Variants in PAPPA2 observed in about 807,000 individuals in gnomAD.
PAPPA2 encodes the protein pappalysin 2.
In PAPPA2, 86 loss-of-function variants were observed where a neutral mutation model predicts 176.4. The ratio of observed to expected loss-of-function variants is 0.49; its 90% CI spans 0.41 to 0.58. PAPPA2 has a LOEUF of 0.58. Among genes scored for constraint, PAPPA2 ranks in the 20% least tolerant of loss-of-function variants. PAPPA2 has a pLI of 0.00. For synonymous variants in PAPPA2, 809 were observed against 852.2 expected (o/e 0.95, Z 0.88); for missense variants, 2,073 against 2,256.9 (o/e 0.92, Z 1.65).
At chr1:176,837,752 ACTGACAT>A (rs1281356456) in intron 21 of PAPPA2, among the ~76,000 whole-genome samples, 1 of 152,180 alleles carries the variant, frequency 6.6e-6, no homozygotes, top group East Asian at 1.9e-4. Context: ...ATATCCTAAG[ACTGACAT>A]CTTTCAGTTA....
At chr1:176,677,921 T>C (rs1030356963) in intron 4 of PAPPA2, among the ~76,000 whole-genome samples, 2 of 152,210 alleles carry the variant, frequency 1.3e-5, no homozygotes, top group South Asian at 2.1e-4. Context: ...GACAGATATG[T>C]CATACAGATT....
intron 17 of PAPPA2, among the ~76,000 whole-genome samples, chr1:176,785,409 A>C (rs1664892695): frequency 6.6e-6 from 1 of 152,118 alleles, no homozygotes; most frequent in Non-Finnish European, 1.5e-5. Flanking sequence ...TGATGTAGAG[A>C]GATGCAGAAG....
chr1:176,490,684 GTT>G (rs1338539221), intron 1 of PAPPA2, among the ~76,000 whole-genome samples: 1 of 152,158 alleles, frequency 6.6e-6, no homozygotes, highest in East Asian at 1.9e-4. Flanking sequence ...AATGACCAGA[GTT>G]CAAAGAAGCC....
intron 3 of PAPPA2, among the ~76,000 whole-genome samples, chr1:176,635,525 T>A (rs1363824634): frequency 6.6e-6 from 1 of 152,244 alleles, no homozygotes; most frequent in East Asian, 1.9e-4. Context: ...AATGGCAGCC[T>A]TCATAATTTA....
At chr1:176,750,407 C>T (rs1406864231) in intron 14 of PAPPA2, among the ~76,000 whole-genome samples, 1 of 152,058 alleles carries the variant, frequency 6.6e-6, no homozygotes, top group Non-Finnish European at 1.5e-5. Flanking sequence ...GAGTTTGAGA[C>T]CAGGCTGGCC....
chr1:176,628,337 G>A lies in PAPPA2; in HGVS notation c.1991+32742G>A, dbSNP rs186183858. On this transcript the variant is annotated intron_variant, in intron 3 of 22. Transcript: ENST00000367662. The stretch of plus-strand genomic sequence containing the variant: ...CAAATTCAGAGCTATGTTTAGACTG[G>A]GACATAGTAGGCTCTCAATAGATAT... 1.3e-3 allele frequency among the ~76,000 whole-genome samples: 199 copies of A among 152,150 alleles called. 1 individual carries two copies. The highest frequency in any genetic ancestry group is 4.4e-3 in the African/African-American group (181 of 41,514).
At chr1:176,735,677 AATCTATCT>A (rs55758426) in intron 12 of PAPPA2, among the ~76,000 whole-genome samples, 42,654 of 144,056 alleles carry the variant, frequency 0.3, 6,377 homozygotes, top group Admixed American at 0.31. Context: ...CATCTCTCAG[AATCTATCT>A]ATCTATCTAT....
chr1:176,842,564 G>A lies in PAPPA2; in HGVS notation c.*110G>A. ...GAAGAACAATCATGAAATGGAAGAA[G>A]GAGGAAGAGCATGAAGGATCTTATA... On this transcript the variant is annotated 3_prime_UTR_variant, in exon 23 of 23. Coordinates refer to ENST00000367662, the MANE Select transcript of PAPPA2 (RefSeq NM_020318.3). The A allele has an allele frequency of 2.0e-6, 2 of 1,010,958 alleles. No homozygotes were observed. The highest frequency in any genetic ancestry group is 4.3e-5 in the Admixed American group (2 of 46,694). The allele number at this position is 1,010,958 out of a possible 1,614,324, so 62.6% of individuals were successfully genotyped here.
Position 176,845,115 on chromosome 1 carries a change from G to A in PAPPA2, c.*2661G>A, listed in dbSNP as rs1667619933. On this transcript the variant is annotated 3_prime_UTR_variant, in exon 23 of 23. Transcript: ENST00000367662. Reference sequence around the variant, plus strand: ...AAAGTGGAAGGACTAAGACACTGTGGTCACAGATCCCAGCAACATCAACTC... The same window carrying A: ...AAAGTGGAAGGACTAAGACACTGTGATCACAGATCCCAGCAACATCAACTC... The A allele has an allele frequency of 6.6e-6, 1 of 152,154 alleles. No homozygotes were observed. The highest frequency in any genetic ancestry group is 1.5e-5 in the Non-Finnish European group (1 of 68,044). The allele number at this position is 152,154 out of a possible 1,614,324, so 9.4% of individuals were successfully genotyped here.
At chr1:176,754,550 A>C (rs1186766368) in intron 14 of PAPPA2, among the ~76,000 whole-genome samples, 1 of 152,204 alleles carries the variant, frequency 6.6e-6, no homozygotes, top group East Asian at 1.9e-4. Context: ...TCTCTTATGG[A>C]TTTTGATAAT....
At chr1:176,827,790 T>G (rs1039539848) in intron 21 of PAPPA2, among the ~76,000 whole-genome samples, 10 of 152,186 alleles carry the variant, frequency 6.6e-5, no homozygotes, top group Non-Finnish European at 1.2e-4. Flanking sequence ...ATCCCAGGAT[T>G]CTAGCAACTA....
In PAPPA2 at chr1:176,647,059, C is replaced by G. The variant is rs575665188; in HGVS notation, c.1992-23911C>G. ...TATAACAGTTCCCTGTTCTCCATACCTTTGCCAGCATTTTTTATTGCCTCA... is the reference window on the plus strand; with the variant it reads ...TATAACAGTTCCCTGTTCTCCATACGTTTGCCAGCATTTTTTATTGCCTCA... On this transcript the variant is annotated intron_variant, in intron 3 of 22. Transcript: ENST00000367662. Among the ~76,000 whole-genome samples the G allele has an allele frequency of 1.9e-4, 29 of 151,618 alleles. No individual in the cohort carries two copies. In the East Asian group the frequency reaches 5.3e-3, roughly 28 times the overall value.
intron 3 of PAPPA2, among the ~76,000 whole-genome samples, chr1:176,618,390 A>G (rs917624692): frequency 1.1e-4 from 17 of 152,208 alleles, no homozygotes; most frequent in East Asian, 3.8e-4. Context: ...CTTAGTTACC[A>G]TACCAAAATA....
rs575512944 is a variant in PAPPA2 at position 176,844,210 on chromosome 1, C to T, written c.*1756C>T. On this transcript the variant is annotated 3_prime_UTR_variant, in exon 23 of 23. Coordinates refer to ENST00000367662, the MANE Select transcript of PAPPA2 (RefSeq NM_020318.3). ...TTAAAGTTTCTTCTCCAATGGAAAC[C>T]AAGAACAGACAAAATTTAGAGCTCA... 7.6e-4 allele frequency: 116 copies of T among 152,168 alleles called. No individual in the cohort carries two copies. The highest frequency in any genetic ancestry group is 2.7e-3 in the African/African-American group (114 of 41,528). The allele number at this position is 152,168 out of a possible 1,614,324, so 9.4% of individuals were successfully genotyped here.
At chr1:176,776,324 G>C (rs1296496962) in intron 17 of PAPPA2, among the ~76,000 whole-genome samples, 1 of 152,112 alleles carries the variant, frequency 6.6e-6, no homozygotes, top group Admixed American at 6.6e-5. Flanking sequence ...GTCAATCTCT[G>C]TTTCTATAAG....
chr1:176,545,771 G>A (rs1034298327), intron 1 of PAPPA2, among the ~76,000 whole-genome samples: 3 of 152,296 alleles, frequency 2.0e-5, no homozygotes, highest in East Asian at 3.9e-4. Context: ...CTTTTAGCTA[G>A]GATGAAAAGG....
Position 176,556,493 on chromosome 1 carries a change from A to T in PAPPA2, c.171A>T (p.Arg57=), listed in dbSNP as rs1451616581. 1 of 1,614,172 alleles carries T rather than the reference A, an allele frequency of 6.2e-7. No individual in the cohort carries two copies. Among genetic ancestry groups the T allele is most frequent in the Admixed American group, 1.7e-5 (1 of 60,030 alleles). Residue 57 remains arginine, a synonymous_variant, in exon 2 of 23, where the codon CGA becomes CGT. Coordinates refer to ENST00000367662, the MANE Select transcript of PAPPA2 (RefSeq NM_020318.3). ...GTTGTTGGCTGGGGGCCAAGGTTCG[A>T]AGACCCAGAGCTTCTCCACAGCATC... is the stretch of plus-strand genomic sequence containing the variant. ...GERCWLGAKV[R]RPRASPQHHL...
chr1:176,749,209 C>T (rs1663051754), intron 14 of PAPPA2, among the ~76,000 whole-genome samples: 1 of 152,082 alleles, frequency 6.6e-6, no homozygotes, highest in Admixed American at 6.6e-5. Context: ...AATTATAAAA[C>T]CAATTTGTAA....
rs1651457133 is a variant in PAPPA2, at chr1:176,463,192, G to A, written c.-1143G>A. ...CACTGGGCATGACTCTCTCTCTTGAGTAGGCACACACTCCCTTTTCTCGGG... is the reference window on the plus strand; with the variant it reads ...CACTGGGCATGACTCTCTCTCTTGAATAGGCACACACTCCCTTTTCTCGGG... On this transcript the variant is annotated 5_prime_UTR_variant, in exon 1 of 23. Transcript: ENST00000367662. 6.6e-6 allele frequency: 1 copy of A among 152,114 alleles called. No individual in the cohort carries two copies. 9.4% of individuals were successfully genotyped at this position (152,114 alleles called of 1,614,324 possible). A position where few individuals can be genotyped will look rare whatever the true frequency, so the allele number is the denominator to read the frequency against.
Sources: allele counts gnomAD v4.1 joint callset (sites outside exome capture counted in the v4.1 genomes callset), GRCh38; gene constraint gnomAD v4.1.1; transcripts MANE v1.5; gene names NCBI Gene and HGNC (gene_info 2026-07-23, HGNC 2026-07-21).